ATXN1: variants seen among roughly 807,000 people sequenced by gnomAD.
The protein encoded by ATXN1 is ataxin 1, also known as ataxin-1.
ATXN1 carries 8 observed loss-of-function variants against 56.4 expected under a neutral mutation model. The ratio of observed to expected loss-of-function variants is 0.14; its 90% CI spans 0.08 to 0.26. The LOEUF (loss-of-function observed/expected upper bound fraction) is 0.26. Ranked by LOEUF, ATXN1 falls within the 10% of genes least tolerant of loss-of-function variation. ATXN1 has a pLI of 1.00. For synonymous variants in ATXN1, 514 were observed against 494.6 expected, an observed-to-expected ratio of 1.04 and a Z score of -0.52; for missense variants, 987 against 1,106.5, an observed-to-expected ratio of 0.89 and a Z score of 1.53.
intron 3 of ATXN1, among the ~76,000 whole-genome samples, chr6:16,618,574 T>C (rs1374680602): frequency 6.6e-6 from 1 of 151,978 alleles, no homozygotes; most frequent in Non-Finnish European, 1.5e-5. Context: ...CTACTAAAAA[T>C]ACAAGAAATT....
chr6:16,488,078 G>C (rs985113393), intron 5 of ATXN1, among the ~76,000 whole-genome samples: 1 of 152,116 alleles, frequency 6.6e-6, no homozygotes, highest in Non-Finnish European at 1.5e-5. Flanking sequence ...TGACTGCTAG[G>C]CCATCAGAGC....
chr6:16,517,795 C>A (rs984139485), intron 5 of ATXN1, among the ~76,000 whole-genome samples: 7 of 152,150 alleles, frequency 4.6e-5, no homozygotes, highest in African/African-American at 1.7e-4. Context: ...TGCACACATG[C>A]CAACTACTGC....
intron 6 of ATXN1, among the ~76,000 whole-genome samples, chr6:16,362,262 G>C (rs534725158): frequency 6.6e-6 from 1 of 152,308 alleles, no homozygotes; most frequent in Admixed American, 6.5e-5. Flanking sequence ...TTGGAGACCA[G>C]GCTCTGAAGA....
At chr6:16,562,488 A>AGGAGAGGAGAGGAGAGGAGAGGAG (rs1762141430) in intron 4 of ATXN1, among the ~76,000 whole-genome samples, 1 of 116,912 alleles carries the variant, frequency 8.6e-6, no homozygotes, top group Non-Finnish European at 1.7e-5. Flanking sequence ...GAGGAGAGGA[A>AGGAGAGGAGAGGAGAGGAGAGGAG]AGGAAAGGAA....
At chr6:16,583,937 G>A (rs1762572333) in intron 4 of ATXN1, among the ~76,000 whole-genome samples, 1 of 151,988 alleles carries the variant, frequency 6.6e-6, no homozygotes, top group South Asian at 2.1e-4. Flanking sequence ...CCCTACATTT[G>A]TTTACTTCTA....
intron 5 of ATXN1, among the ~76,000 whole-genome samples, chr6:16,516,838 C>T (rs1325494878): frequency 6.6e-6 from 1 of 152,184 alleles, no homozygotes; most frequent in African/African-American, 2.4e-5. Context: ...CTTAATGAGA[C>T]AAGAGCCTCT....
At position 16,496,209 on chromosome 6, in the gene ATXN1, TTC is replaced by T. The variant is rs544366864; in HGVS notation, c.-298-10102_-298-10101del. On this transcript the variant is annotated intron_variant, in intron 5 of 7. Transcript: ENST00000436367. The stretch of plus-strand genomic sequence containing the variant: ...GCAAGACAAAGGTGCTATTGAAAAC[TTC>T]TCTTTTTTTGGAGGAGGCTTCATAA... Among the ~76,000 whole-genome samples, 553 of 152,308 alleles carry T rather than the reference TTC, an allele frequency of 3.6e-3. 4 individuals carry two copies. Among genetic ancestry groups the T allele is most frequent in the Middle Eastern group, 0.017 (5 of 294 alleles).
chr6:16,402,097 G>GC (rs1209395481), intron 6 of ATXN1, among the ~76,000 whole-genome samples: 1 of 151,958 alleles, frequency 6.6e-6, no homozygotes, highest in Admixed American at 6.6e-5. Flanking sequence ...GGAAAGACCT[G>GC]CCCCCCATGA....
intron 6 of ATXN1, among the ~76,000 whole-genome samples, chr6:16,418,181 C>T (rs1275433726): frequency 6.6e-6 from 1 of 152,212 alleles, no homozygotes; most frequent in Non-Finnish European, 1.5e-5. Flanking sequence ...AGAATTAATG[C>T]ATAACCCTTC....
At chr6:16,756,589 C>T (rs939388235) in intron 1 of ATXN1, among the ~76,000 whole-genome samples, 1 of 152,198 alleles carries the variant, frequency 6.6e-6, no homozygotes, top group South Asian at 2.1e-4. Flanking sequence ...AGATCTAAAT[C>T]TCTCACAGAA....
intron 4 of ATXN1, among the ~76,000 whole-genome samples, chr6:16,558,968 GCAA>G (rs1403488338): frequency 6.6e-6 from 1 of 151,786 alleles, no homozygotes; most frequent in African/African-American, 2.4e-5. Context: ...AGAAAAATGG[GCAA>G]CGAGGATGAA....
chr6:16,504,244 G>A (rs553637587), intron 5 of ATXN1, among the ~76,000 whole-genome samples: 1 of 152,202 alleles, frequency 6.6e-6, no homozygotes, highest in South Asian at 2.1e-4. Context: ...ACTCCTACTC[G>A]CATGTATTGC....
At chr6:16,623,949 C>A (rs1331204117) in intron 3 of ATXN1, among the ~76,000 whole-genome samples, 1 of 152,144 alleles carries the variant, frequency 6.6e-6, no homozygotes, top group Non-Finnish European at 1.5e-5. Flanking sequence ...TATGAGGTAT[C>A]TAGAGTAGAC....
At chr6:16,647,584 G>A (rs987865971) in intron 3 of ATXN1, among the ~76,000 whole-genome samples, 1 of 152,118 alleles carries the variant, frequency 6.6e-6, no homozygotes, top group East Asian at 1.9e-4. Flanking sequence ...AGTGACTATG[G>A]TTAATAATGA....
intron 4 of ATXN1, among the ~76,000 whole-genome samples, chr6:16,527,928 C>T (rs1761424991): frequency 6.6e-6 from 1 of 152,244 alleles, no homozygotes; most frequent in South Asian, 2.1e-4. Flanking sequence ...CCAACTCTCT[C>T]GTGGTCACCG....
chr6:16,582,756 C>T (rs1314423801), intron 4 of ATXN1, among the ~76,000 whole-genome samples: 2 of 152,230 alleles, frequency 1.3e-5, no homozygotes, highest in Non-Finnish European at 2.9e-5. Context: ...TGACAACCAA[C>T]ACGTCTGCAT....
chr6:16,623,521 G>A (rs917150378), intron 3 of ATXN1, among the ~76,000 whole-genome samples: 4 of 152,106 alleles, frequency 2.6e-5, no homozygotes, highest in African/African-American at 7.2e-5. Context: ...AATCAACTAC[G>A]CAAGCAAACA....
At chr6:16,382,828 T>TA (rs975909003) in intron 6 of ATXN1, among the ~76,000 whole-genome samples, 1,180 of 104,562 alleles carry the variant, frequency 0.011, 10 homozygotes, top group African/African-American at 0.04. Context: ...GCTGATGAGC[T>TA]AAAAAAAAAA....
At chr6:16,474,248 G>A (rs1354729484) in intron 6 of ATXN1, among the ~76,000 whole-genome samples, 1 of 152,218 alleles carries the variant, frequency 6.6e-6, no homozygotes, top group Non-Finnish European at 1.5e-5. Context: ...ATTTGCTTTG[G>A]TTAAAGGGAA....
Sources: gnomAD v4.1 joint callset for allele counts (sites outside exome capture counted in the v4.1 genomes callset) on GRCh38, gnomAD v4.1.1 for gene constraint, MANE v1.5 for transcripts, NCBI Gene and HGNC (gene_info 2026-07-23, HGNC 2026-07-21) for gene names.